MTF1: variants seen among roughly 807,000 people sequenced by gnomAD.
MTF1 encodes the protein metal regulatory transcription factor 1.
In MTF1, 22 loss-of-function variants were observed where a neutral mutation model predicts 70.4. That is an observed-to-expected ratio of 0.31 (90% CI 0.22 to 0.45). The LOEUF (loss-of-function observed/expected upper bound fraction) is 0.45, where lower values mean the gene tolerates loss of function less well. Among genes scored for constraint, MTF1 ranks in the 20% least tolerant of loss-of-function variants. The pLI, the probability that MTF1 is intolerant of heterozygous loss-of-function variation, is 1.00. For missense variants in MTF1, 649 were observed against 922.0 expected, an observed-to-expected ratio of 0.70 and a Z score of 3.83; for synonymous variants, 333 against 352.8, an observed-to-expected ratio of 0.94 and a Z score of 0.63.
At chr1:37,834,544 GT>G (rs2148410514) in intron 6 of MTF1, 1 of 385,036 alleles carries the variant, frequency 2.6e-6, no homozygotes, top group South Asian at 2.0e-5. Context: ...CTGCTTTATG[GT>G]TCAGAAAGAT....
rs200783022 is a variant in MTF1, at chr1:37,857,234, C to A, written c.408+17G>T. 2.8e-5 allele frequency: 44 copies of A among 1,599,098 alleles called. No individual in the cohort carries two copies. In the Admixed American group the frequency reaches 6.9e-4, roughly 25 times the overall value. ...GCCCCAAAACCAAACTAGGCCCTCA[C>A]TGACTGCTTTACTTACTTCTTTACG... On this transcript the variant is annotated intron_variant, in intron 2 of 10. Coordinates refer to ENST00000373036, the MANE Select transcript of MTF1 (RefSeq NM_005955.3).
intron 4 of MTF1, among the ~76,000 whole-genome samples, chr1:37,838,297 G>T (rs984763752): frequency 6.6e-6 from 1 of 152,168 alleles, no homozygotes; most frequent in Non-Finnish European, 1.5e-5. Context: ...CCAGACAAAG[G>T]TTCTTAAGAA....
At chr1:37,835,522 A>AT in intron 5 of MTF1, 149 bp downstream of exon 5, 1 of 666,426 alleles carries the variant, frequency 1.5e-6, no homozygotes, top group African/African-American at 1.8e-5. Flanking sequence ...CTCTGAAAGA[A>AT]ACCCAAACAT....
At position 37,815,232 on chromosome 1, in the gene MTF1, G is replaced by GC; in HGVS notation, c.2165_2166insG (p.Leu723ProfsTer14). 1 of 1,614,108 alleles carries GC rather than the reference G, an allele frequency of 6.2e-7. No individual in the cohort carries two copies. Among genetic ancestry groups the GC allele is most frequent in the Non-Finnish European group, 8.5e-7 (1 of 1,180,010 alleles). On this transcript the variant is annotated frameshift_variant, in exon 11 of 11. Coordinates refer to ENST00000373036, the MANE Select transcript of MTF1 (RefSeq NM_005955.3). LOFTEE classifies it high-confidence loss of function. The surrounding 1 kb of genome is among the most constrained non-coding windows in gnomAD (Gnocchi z 4.5). ...TGGACGGGGTGTCCAGGCTCTGGAGGGATAGAAACTCTGACACATCCATGG... is the reference window on the plus strand; with the variant it reads ...TGGACGGGGTGTCCAGGCTCTGGAGGCGATAGAAACTCTGACACATCCATGG...
Position 37,822,543 on chromosome 1 carries a change from G to A in MTF1, c.1345C>T (p.Leu449=), listed in dbSNP as rs1479133165. ...APSAPPPAPS[L]GPGSQQAAFG... ...GCAGCTTGCTGGGAGCCAGGTCCTAGGGAGGGAGCAGGCGGAGGAGCAGAC... is the reference window on the plus strand; with the variant it reads ...GCAGCTTGCTGGGAGCCAGGTCCTAAGGAGGGAGCAGGCGGAGGAGCAGAC... Residue 449 remains leucine, a synonymous_variant, in exon 9 of 11, where the codon CTA becomes TTA. Transcript: ENST00000373036. 9 of 1,614,022 alleles carry A rather than the reference G, an allele frequency of 5.6e-6. No individual in the cohort carries two copies. The highest frequency in any genetic ancestry group is 7.6e-6 in the Non-Finnish European group (9 of 1,180,030).
intron 9 of MTF1, among the ~76,000 whole-genome samples, chr1:37,820,648 G>A (rs1292647782): frequency 1.3e-5 from 2 of 152,152 alleles, no homozygotes; most frequent in Non-Finnish European, 2.9e-5. Context: ...TGAAGGACAA[G>A]GAATTTTAAA....
Position 37,842,070 on chromosome 1 carries a change from CAAT to C in MTF1, c.409-1915_409-1913del, listed in dbSNP as rs1180064443. The stretch of plus-strand genomic sequence containing the variant: ...AAAGGGGGAAAAAAAACTAGATAAA[CAAT>C]AATAGAAATAAAAATATTAATAAAG... On this transcript the variant is annotated intron_variant, in intron 2 of 10. Transcript: ENST00000373036. 3.3e-5 allele frequency among the ~76,000 whole-genome samples: 5 copies of C among 151,790 alleles called. 1 individual carries two copies. The highest frequency in any genetic ancestry group is 1.2e-4 in the African/African-American group (5 of 41,414).
chr1:37,852,757 A>G (rs1641435752), intron 2 of MTF1, among the ~76,000 whole-genome samples: 1 of 152,020 alleles, frequency 6.6e-6, no homozygotes, highest in African/African-American at 2.4e-5. Context: ...CAGCCTCCCA[A>G]GTGGCTGGGA....
chr1:37,810,322 C>T lies in MTF1; in HGVS notation c.*4814G>A, dbSNP rs1447766960. 6.6e-6 allele frequency: 1 copy of T among 152,456 alleles called. No individual in the cohort carries two copies. Among genetic ancestry groups the T allele is most frequent in the East Asian group, 1.9e-4 (1 of 5,192 alleles). 9.4% of individuals were successfully genotyped at this position (152,456 alleles called of 1,614,324 possible). A position where few individuals can be genotyped will look rare whatever the true frequency, so the allele number is the denominator to read the frequency against. On this transcript the variant is annotated 3_prime_UTR_variant, in exon 11 of 11. Coordinates refer to ENST00000373036, the MANE Select transcript of MTF1 (RefSeq NM_005955.3). The stretch of plus-strand genomic sequence containing the variant: ...TGAGAAAGTGACACTACATTATCAC[C>T]CAATTTTTGGCCCAACAGGCACACC...
intron 4 of MTF1, among the ~76,000 whole-genome samples, chr1:37,837,396 T>A (rs925321124): frequency 8.5e-5 from 13 of 152,180 alleles, no homozygotes; most frequent in Non-Finnish European, 1.5e-4. Context: ...CTCTAACGAC[T>A]TTTTATTTCT....
rs553263504 is a variant in MTF1 at position 37,810,822 on chromosome 1, G to A, written c.*4314C>T. 4 of 152,352 alleles carry A rather than the reference G, an allele frequency of 2.6e-5. No individual in the cohort carries two copies. The highest frequency in any genetic ancestry group is 2.1e-4 in the South Asian group (1 of 4,826). The allele number at this position is 152,352 out of a possible 1,614,324, so 9.4% of individuals were successfully genotyped here. On this transcript the variant is annotated 3_prime_UTR_variant, in exon 11 of 11. Coordinates refer to ENST00000373036, the MANE Select transcript of MTF1 (RefSeq NM_005955.3). The stretch of plus-strand genomic sequence containing the variant: ...GAAAGTTGATAATGATTCATGGGAT[G>A]TAATGTTTGTTTATAGGATTTAATG...
At chr1:37,847,669 G>A (rs1412839408) in intron 2 of MTF1, among the ~76,000 whole-genome samples, 1 of 152,150 alleles carries the variant, frequency 6.6e-6, no homozygotes, top group African/African-American at 2.4e-5. Flanking sequence ...CGCCTGCAGG[G>A]GACTACAGAC....
At position 37,811,009 on chromosome 1, in the gene MTF1, C is replaced by A. The variant is rs146805695; in HGVS notation, c.*4127G>T. On this transcript the variant is annotated 3_prime_UTR_variant, in exon 11 of 11. Transcript: ENST00000373036. ...CTTGAGAAATATTGTTGCAGTTCCA[C>A]AAATCAATGGTTTCAATCACTCTGG... is the stretch of plus-strand genomic sequence containing the variant. 1.3e-5 allele frequency: 2 copies of A among 152,530 alleles called. No homozygotes were observed. The highest frequency in any genetic ancestry group is 4.8e-5 in the African/African-American group (2 of 41,400). The allele number at this position is 152,530 out of a possible 1,614,324, so 9.4% of individuals were successfully genotyped here.
chr1:37,852,403 A>G (rs1477491796), intron 2 of MTF1, among the ~76,000 whole-genome samples: 2 of 152,166 alleles, frequency 1.3e-5, no homozygotes, highest in East Asian at 3.9e-4. Flanking sequence ...CTTGATTCCT[A>G]TGAATGGGAT....
At chr1:37,835,982 A>G (rs939866947) in intron 4 of MTF1, among the ~76,000 whole-genome samples, 5 of 151,976 alleles carry the variant, frequency 3.3e-5, no homozygotes, top group Non-Finnish European at 7.4e-5. Context: ...TTGTATTTTT[A>G]GTAGAGACAA....
chr1:37,819,318 T>A (rs919344135), intron 9 of MTF1, among the ~76,000 whole-genome samples: 16 of 152,038 alleles, frequency 1.1e-4, no homozygotes, highest in Non-Finnish European at 2.2e-4. Flanking sequence ...ATGGTGAACA[T>A]TCAGTAAACA....
rs1182984456 is a variant in MTF1, at chr1:37,835,106, A to G, written c.963T>C (p.Asn321=). The G allele has an allele frequency of 6.2e-7, 1 of 1,614,192 alleles. No homozygotes were observed. The highest frequency in any genetic ancestry group is 1.1e-5 in the South Asian group (1 of 91,088). The part of the protein sequence containing the change: ...KGHDNKGHSY[N]ALPQHNGSED... ...CTGATCCATTGTGTTGTGGAAGTGCATTGTATGAGTGTCCTTTGTTATCAT... is the reference window on the plus strand; with the variant it reads ...CTGATCCATTGTGTTGTGGAAGTGCGTTGTATGAGTGTCCTTTGTTATCAT... The change falls in exon 6 of 11, where the codon AAT becomes AAC. Residue 321 remains asparagine (N), a synonymous_variant. Coordinates refer to ENST00000373036, the MANE Select transcript of MTF1 (RefSeq NM_005955.3).
intron 7 of MTF1, among the ~76,000 whole-genome samples, chr1:37,825,167 G>C (rs1238569620): frequency 2.0e-5 from 3 of 152,184 alleles, no homozygotes; most frequent in Admixed American, 2.0e-4. Flanking sequence ...GTCACCTCAA[G>C]GGCTTCAGCC....
chr1:37,831,996 AG>A (rs930271922), intron 7 of MTF1, among the ~76,000 whole-genome samples: 83 of 152,316 alleles, frequency 5.4e-4, no homozygotes, highest in African/African-American at 2.0e-3. Flanking sequence ...TTGCTAAATG[AG>A]TAAAAAAAAG....
Sources: allele counts gnomAD v4.1 joint callset (sites outside exome capture counted in the v4.1 genomes callset), GRCh38; gene constraint gnomAD v4.1.1; non-coding constraint Gnocchi (gnomAD v3.1); transcripts MANE v1.5; gene names NCBI Gene and HGNC (gene_info 2026-07-23, HGNC 2026-07-21).